The following ARID1B variants were observed in gnomAD, a reference collection of about 807,000 sequenced individuals.
ARID1B encodes the protein AT-rich interactive domain-containing protein 1B.
A neutral mutation model predicts 212.3 loss-of-function variants in ARID1B; 30 were observed. That is an observed-to-expected ratio of 0.14 (90% confidence interval 0.11 to 0.19). ARID1B has a LOEUF of 0.19. Ranked by LOEUF, ARID1B falls within the 10% of genes least tolerant of loss-of-function variation. The pLI is 1.00. For missense variants in ARID1B, 2,891 were observed against 3,204.0 expected (o/e 0.90, Z 2.36); for synonymous variants, 1,402 against 1,301.7 (o/e 1.08, Z -1.66).
intron 2 of ARID1B, among the ~76,000 whole-genome samples, chr6:156,832,442 C>G (rs573055456): frequency 4.9e-4 from 75 of 152,302 alleles, no homozygotes; most frequent in African/African-American, 1.8e-3. Context: ...ACATCACCAC[C>G]TAGGCATGAC....
intron 2 of ARID1B, among the ~76,000 whole-genome samples, chr6:156,894,691 G>A (rs1300064393): frequency 1.3e-5 from 2 of 152,198 alleles, no homozygotes; most frequent in African/African-American, 2.4e-5. Flanking sequence ...AACTGATAAT[G>A]TAAGTAGATT....
intron 4 of ARID1B, among the ~76,000 whole-genome samples, chr6:157,028,235 T>C (rs749355497): frequency 3.3e-5 from 5 of 152,262 alleles, no homozygotes; most frequent in Non-Finnish European, 5.9e-5. Flanking sequence ...AGTGCTCATA[T>C]GTTTTTTAAC....
chr6:157,152,602 C>G (rs551915010), intron 8 of ARID1B, among the ~76,000 whole-genome samples: 70 of 152,252 alleles, frequency 4.6e-4, no homozygotes, highest in Admixed American at 9.1e-4. Flanking sequence ...ATGCACATAA[C>G]CTGTGTTGTG....
At chr6:157,056,373 C>G (rs566973149) in intron 4 of ARID1B, among the ~76,000 whole-genome samples, 2 of 152,312 alleles carry the variant, frequency 1.3e-5, no homozygotes, top group African/African-American at 2.4e-5. Context: ...ACATATTTGA[C>G]TGACAACATT....
intron 3 of ARID1B, among the ~76,000 whole-genome samples, chr6:156,929,535 A>G (rs2128254156): frequency 6.6e-6 from 1 of 152,348 alleles, no homozygotes; most frequent in East Asian, 1.9e-4. Context: ...TTTCCAAAGC[A>G]CAAAGAGAAA....
rs142233729 is a variant in ARID1B at position 156,896,241 on chromosome 6, A to C, written c.1987-5135A>C. Among the ~76,000 whole-genome samples, 432 of 152,284 alleles carry C rather than the reference A, an allele frequency of 2.8e-3. 4 individuals are homozygous for C. Among genetic ancestry groups the C allele is most frequent in the African/African-American group, 9.8e-3 (406 of 41,546 alleles). On this transcript the variant is annotated intron_variant, in intron 2 of 19. Transcript: ENST00000636930. ...ACTTAACAAGGCGCATGGCCGGGTC[A>C]TGGGGTCAGTGTACCTTTAAACCTA...
intron 2 of ARID1B, among the ~76,000 whole-genome samples, chr6:156,889,164 A>G (rs78322250): frequency 0.051 from 7,751 of 152,312 alleles, 292 homozygotes; most frequent in Non-Finnish European, 0.073. Flanking sequence ...CAACCCTCCT[A>G]CCATACCAAG....
chr6:157,182,892 C>A (rs890899428), intron 12 of ARID1B, among the ~76,000 whole-genome samples: 3 of 152,144 alleles, frequency 2.0e-5, no homozygotes, highest in Non-Finnish European at 4.4e-5. Context: ...TGCACCTAGC[C>A]TCTTCTGACA....
chr6:157,011,440 A>G (rs929019378), intron 4 of ARID1B, among the ~76,000 whole-genome samples: 3 of 152,248 alleles, frequency 2.0e-5, no homozygotes, highest in Non-Finnish European at 2.9e-5. Flanking sequence ...AACTAAGTGG[A>G]AAAATTGAAA....
At chr6:157,166,846 G>A in intron 8 of ARID1B, 194 bp from the exon 9 acceptor site, 1 of 567,670 alleles carries the variant, frequency 1.8e-6, no homozygotes. Context: ...ATTTGGAATT[G>A]TAAAGGGGTG....
At position 156,779,468 on chromosome 6, in the gene ARID1B, C is replaced by A; in HGVS notation, c.1788C>A (p.Ser596=). ...PGTPGPTMGR[S]QGSPMDPMVM... ...CCCCCGGACCGACCATGGGCAGATC[C>A]CAGGTAACCCTCGCGCCAGCCGGGC... The change falls in exon 1 of 20, where the codon TCC becomes TCA. Residue 596 remains serine, a synonymous_variant. Coordinates refer to ENST00000636930, the MANE Select transcript of ARID1B (RefSeq NM_001374828.1). 3 of 1,402,140 alleles carry A rather than the reference C, an allele frequency of 2.1e-6. No individual in the cohort carries two copies. Among genetic ancestry groups the A allele is most frequent in the Non-Finnish European group, 2.8e-6 (3 of 1,072,178 alleles). 86.9% of individuals were successfully genotyped at this position (1,402,140 alleles called of 1,614,324 possible).
intron 4 of ARID1B, among the ~76,000 whole-genome samples, chr6:156,975,567 T>A (rs191485165): frequency 1.1e-3 from 165 of 152,094 alleles, no homozygotes; most frequent in Non-Finnish European, 1.9e-3. Flanking sequence ...AAAAGACATT[T>A]TTTTCCACCG....
intron 4 of ARID1B, chr6:157,022,960 T>TTTC (rs1780421815): frequency 2.0e-5 from 3 of 152,272 alleles, no homozygotes; most frequent in Admixed American, 2.0e-4. Context: ...CTTCTGTTTT[T>TTTC]ATGCCTTGTA....
In ARID1B at chr6:157,207,117, G is replaced by A. The variant is rs151317970; in HGVS notation, c.6345G>A (p.Pro2115=). 2.1e-5 allele frequency: 34 copies of A among 1,614,170 alleles called. No homozygotes were observed. Among genetic ancestry groups the A allele is most frequent in the Middle Eastern group, 3.3e-4 (2 of 6,062 alleles). Residue 2115 remains proline, a synonymous_variant, in exon 20 of 20, where the codon CCG becomes CCA. Transcript: ENST00000636930. This position sits in a 1 kb window ranked among gnomAD's most constrained non-coding sequence, Gnocchi z 8.5. ...AGCATCCAGAGAGAAAGCGAGCACCGCAGACCTATGAGAAAGAGGAGGATG... is the reference window on the plus strand; with the variant it reads ...AGCATCCAGAGAGAAAGCGAGCACCACAGACCTATGAGAAAGAGGAGGATG... ...HHEHPERKRA[P]QTYEKEEDED...
intron 4 of ARID1B, among the ~76,000 whole-genome samples, chr6:157,015,855 C>T (rs566970873): frequency 6.6e-6 from 1 of 152,366 alleles, no homozygotes; most frequent in East Asian, 1.9e-4. Context: ...CTGCTACATA[C>T]ATCCCCCAAC....
chr6:156,864,674 C>T (rs1016513690), intron 2 of ARID1B, among the ~76,000 whole-genome samples: 6 of 152,148 alleles, frequency 3.9e-5, no homozygotes, highest in African/African-American at 1.4e-4. Context: ...CACATTCTTA[C>T]ATTGCTCCTT....
intron 4 of ARID1B, among the ~76,000 whole-genome samples, chr6:157,005,555 A>G (rs921542124): frequency 2.0e-5 from 3 of 152,176 alleles, no homozygotes. Context: ...CTAAAGATGA[A>G]AAGCCCAGAG....
chr6:156,905,250 G>GCACGCACACACACACA (rs1554265936), intron 3 of ARID1B, among the ~76,000 whole-genome samples: 13 of 143,838 alleles, frequency 9.0e-5, no homozygotes, highest in South Asian at 2.3e-4. Flanking sequence ...ACATATGCAC[G>GCACGCACACACACACA]CACACACACA....
At chr6:156,931,592 G>A (rs531199821) in intron 3 of ARID1B, among the ~76,000 whole-genome samples, 3 of 152,254 alleles carry the variant, frequency 2.0e-5, no homozygotes, top group Non-Finnish European at 4.4e-5. Flanking sequence ...ACTTTGGCAG[G>A]AGAATCACTT....
Sources: allele counts gnomAD v4.1 joint callset (sites outside exome capture counted in the v4.1 genomes callset), GRCh38; gene constraint gnomAD v4.1.1; non-coding constraint Gnocchi (gnomAD v3.1); transcripts MANE v1.5; gene names NCBI Gene and HGNC (gene_info 2026-07-23, HGNC 2026-07-21).